Variants in KAZN observed in about 807,000 individuals in gnomAD.
The protein encoded by KAZN is kazrin.
Under a neutral mutation model 87.4 loss-of-function variants are expected in KAZN, and 40 were observed. The ratio of observed to expected loss-of-function variants is 0.46; its 90% CI spans 0.36 to 0.60. The LOEUF (loss-of-function observed/expected upper bound fraction) is 0.60, where lower values mean the gene tolerates loss of function less well. KAZN is among the 20% of genes least tolerant of loss of function. KAZN has a pLI of 0.00. For missense variants in KAZN, 898 were observed against 1,073.9 expected, an observed-to-expected ratio of 0.84 and a Z score of 2.29; for synonymous variants, 466 against 458.3, an observed-to-expected ratio of 1.02 and a Z score of -0.22.
intron 2 of KAZN, among the ~76,000 whole-genome samples, chr1:14,417,773 G>A (rs1664925633): frequency 6.6e-6 from 1 of 151,832 alleles, no homozygotes; most frequent in South Asian, 2.1e-4. Context: ...AAAGCAGGCA[G>A]ATTCCGAGGT....
Position 14,923,305 on chromosome 1 carries a change from C to T in KAZN, c.227-37379C>T, listed in dbSNP as rs2101510262. 6.6e-6 allele frequency among the ~76,000 whole-genome samples: 1 copy of T among 152,292 alleles called. No individual in the cohort carries two copies. The highest frequency in any genetic ancestry group is 6.5e-5 in the Admixed American group (1 of 15,296). On this transcript the variant is annotated intron_variant, in intron 1 of 14. Transcript: ENST00000376030. This position sits in a 1 kb window ranked among gnomAD's most constrained non-coding sequence, Gnocchi z 4.2. ...TAGTCTTTCTAAACAGCATCGTAAT[C>T]CCCAGATCAAAGGGGGCTCAGAGCT... is the stretch of plus-strand genomic sequence containing the variant.
At chr1:14,501,345 T>C (rs12033323) in intron 2 of KAZN, among the ~76,000 whole-genome samples, 4,723 of 152,160 alleles carry the variant, frequency 0.031, 192 homozygotes, top group East Asian at 0.16. Flanking sequence ...GCCTGGTATA[T>C]AGGAAATCCT....
chr1:14,333,003 G>A (rs780438225), intron 2 of KAZN, among the ~76,000 whole-genome samples: 5 of 152,138 alleles, frequency 3.3e-5, no homozygotes, highest in Admixed American at 6.5e-5. Context: ...AGCCCAGCAT[G>A]CATTAGCTAT....
intron 1 of KAZN, among the ~76,000 whole-genome samples, chr1:14,612,590 G>A (rs562310350): frequency 8.0e-4 from 122 of 152,290 alleles, no homozygotes; most frequent in African/African-American, 2.7e-3. Context: ...ACATGAGGCC[G>A]ATAACACCTC....
At chr1:14,171,405 C>G (rs1322839319) in intron 1 of KAZN, among the ~76,000 whole-genome samples, 1 of 152,206 alleles carries the variant, frequency 6.6e-6, no homozygotes, top group Non-Finnish European at 1.5e-5. Context: ...ACATTCCCAC[C>G]AGCAACCTAT....
At chr1:15,000,480 C>G (rs1403696695) in intron 2 of KAZN, among the ~76,000 whole-genome samples, 2 of 151,824 alleles carry the variant, frequency 1.3e-5, no homozygotes, top group East Asian at 3.9e-4. Flanking sequence ...CTTGGAGCAC[C>G]TCATTCAAAG....
intron 1 of KAZN, among the ~76,000 whole-genome samples, chr1:14,893,370 A>G (rs968682526): frequency 2.0e-5 from 3 of 152,194 alleles, no homozygotes; most frequent in African/African-American, 7.2e-5. Flanking sequence ...TGTTTCAAAA[A>G]AAAAGAAAAA....
At chr1:14,326,474 G>A (rs990823614) in intron 2 of KAZN, among the ~76,000 whole-genome samples, 4 of 152,156 alleles carry the variant, frequency 2.6e-5, no homozygotes, top group Admixed American at 1.3e-4. Flanking sequence ...CATCCTTGCC[G>A]TTGACTCTCC....
At chr1:14,546,175 A>G (rs4523510) in intron 2 of KAZN, among the ~76,000 whole-genome samples, 3,144 of 152,230 alleles carry the variant, frequency 0.021, 41 homozygotes, top group African/African-American at 0.024. Context: ...AGCAAAGCAT[A>G]TTTTCTCTGC....
intron 1 of KAZN, among the ~76,000 whole-genome samples, chr1:14,616,933 T>C (rs1179571800): frequency 6.6e-6 from 1 of 152,220 alleles, no homozygotes; most frequent in African/African-American, 2.4e-5. Context: ...CTGTCTATGC[T>C]GTCCCTTACA....
At chr1:14,730,260 G>A (rs1256790225) in intron 1 of KAZN, among the ~76,000 whole-genome samples, 2 of 152,030 alleles carry the variant, frequency 1.3e-5, no homozygotes, top group Non-Finnish European at 2.9e-5. Context: ...ATTTTTGTAT[G>A]TTTAGTGGAG....
chr1:14,729,710 G>A (rs966565942), intron 1 of KAZN, among the ~76,000 whole-genome samples: 2 of 152,162 alleles, frequency 1.3e-5, no homozygotes, highest in African/African-American at 4.8e-5. Context: ...GAGAATGAGA[G>A]AAAAAGGAGC....
At chr1:14,845,479 G>A (rs1347260323) in intron 1 of KAZN, among the ~76,000 whole-genome samples, 1 of 151,496 alleles carries the variant, frequency 6.6e-6, no homozygotes, top group Admixed American at 6.6e-5. Flanking sequence ...GTGGTGGATG[G>A]ATGGATGAGT....
At chr1:14,886,205 T>C (rs551400370) in intron 1 of KAZN, among the ~76,000 whole-genome samples, 1 of 151,966 alleles carries the variant, frequency 6.6e-6, no homozygotes, top group African/African-American at 2.4e-5. Context: ...GAAGACCACT[T>C]GAGGCCAGGA....
intron 1 of KAZN, among the ~76,000 whole-genome samples, chr1:14,841,380 T>A (rs1360954023): frequency 8.6e-6 from 1 of 116,458 alleles, no homozygotes; most frequent in African/African-American, 3.4e-5. Flanking sequence ...CACTCCAGCC[T>A]GGGCGACAGA....
At chr1:14,101,815 G>T (rs922850036) in intron 1 of KAZN, among the ~76,000 whole-genome samples, 2 of 152,158 alleles carry the variant, frequency 1.3e-5, no homozygotes, top group Non-Finnish European at 2.9e-5. Flanking sequence ...TCTTCCTTAT[G>T]ATGTTGTTTA....
intron 2 of KAZN, among the ~76,000 whole-genome samples, chr1:14,305,696 T>C (rs1311217649): frequency 2.0e-5 from 3 of 149,082 alleles, no homozygotes; most frequent in Admixed American, 2.0e-4. Context: ...TCATGACACT[T>C]TCACTGATCA....
intron 1 of KAZN, among the ~76,000 whole-genome samples, chr1:13,917,022 G>A (rs10927953): frequency 0.41 from 62,095 of 151,962 alleles, 13,520 homozygotes; most frequent in East Asian, 0.66. Context: ...GATTCGATTA[G>A]AAGAATTCTC....
At chr1:14,911,263 C>T (rs927655121) in intron 1 of KAZN, among the ~76,000 whole-genome samples, 1 of 152,258 alleles carries the variant, frequency 6.6e-6, no homozygotes. Context: ...TAAGCAATCA[C>T]GTTCCCTCTC....
Sources: allele counts gnomAD v4.1 joint callset (sites outside exome capture counted in the v4.1 genomes callset), GRCh38; gene constraint gnomAD v4.1.1; non-coding constraint Gnocchi (gnomAD v3.1); transcripts MANE v1.5; gene names NCBI Gene and HGNC (gene_info 2026-07-23, HGNC 2026-07-21).